The following NRXN3 variants were observed in gnomAD, a reference collection of about 807,000 sequenced individuals.
NRXN3 encodes the protein neurexin III.
NRXN3 carries 32 observed loss-of-function variants against 137.6 expected under a neutral mutation model. That is an observed-to-expected ratio of 0.23 (90% CI 0.18 to 0.31). NRXN3 has a LOEUF of 0.31. Ranked by LOEUF, NRXN3 falls within the 10% of genes least tolerant of loss-of-function variation. NRXN3 has a pLI of 1.00. For synonymous variants in NRXN3, 798 were observed against 784.5 expected (o/e 1.02, Z -0.29); for missense variants, 1,574 against 2,062.5 (o/e 0.76, Z 4.59).
chr14:79,694,108 A>G (rs2098726178), intron 18 of NRXN3, among the ~76,000 whole-genome samples: 1 of 151,890 alleles, frequency 6.6e-6, no homozygotes, highest in African/African-American at 2.4e-5. Context: ...GCCTCTTTGG[A>G]GTTATTTCTG....
chr14:79,440,755 T>A (rs75844354), intron 15 of NRXN3, among the ~76,000 whole-genome samples: 2 of 152,316 alleles, frequency 1.3e-5, no homozygotes, highest in East Asian at 3.9e-4. Context: ...AAATTTTTTT[T>A]AATTCTAGAG....
At chr14:78,752,376 A>C (rs1595514356) in intron 8 of NRXN3, among the ~76,000 whole-genome samples, 1 of 152,222 alleles carries the variant, frequency 6.6e-6, no homozygotes, top group African/African-American at 2.4e-5. Flanking sequence ...AGATGGCACC[A>C]CTGCCCACCA....
At chr14:79,526,060 T>C (rs1019762951) in intron 16 of NRXN3, among the ~76,000 whole-genome samples, 2 of 152,158 alleles carry the variant, frequency 1.3e-5, no homozygotes, top group African/African-American at 4.8e-5. Context: ...TTTTTTTCTT[T>C]TTTTGAGACG....
At chr14:79,082,062 TCATA>T (rs1174606666) in intron 15 of NRXN3, among the ~76,000 whole-genome samples, 3 of 137,222 alleles carry the variant, frequency 2.2e-5, no homozygotes, top group African/African-American at 5.2e-5. Flanking sequence ...TATATATGTT[TCATA>T]CATATATATA....
At chr14:78,779,478 A>G (rs1386347299) in intron 8 of NRXN3, among the ~76,000 whole-genome samples, 1 of 152,126 alleles carries the variant, frequency 6.6e-6, no homozygotes, top group Admixed American at 6.5e-5. Flanking sequence ...AAGTGAAAAA[A>G]CTAGCCAATG....
At chr14:79,456,529 C>G (rs1292798354) in intron 15 of NRXN3, among the ~76,000 whole-genome samples, 1 of 152,136 alleles carries the variant, frequency 6.6e-6, no homozygotes, top group African/African-American at 2.4e-5. Flanking sequence ...GAGTTTGAGA[C>G]CAGCCTGGAC....
In NRXN3 at chr14:79,647,926, G is replaced by A. The variant is rs1181480319; in HGVS notation, c.3445-15852G>A. ...TAAATAATATTGTCAAAAACATATAGGAAGTGATGAAGTTAAGCTTTAAGG... is the reference window on the plus strand; with the variant it reads ...TAAATAATATTGTCAAAAACATATAAGAAGTGATGAAGTTAAGCTTTAAGG... On this transcript the variant is annotated intron_variant, in intron 16 of 20. Coordinates refer to ENST00000335750, the MANE Select transcript of NRXN3 (RefSeq NM_001330195.2). Among the ~76,000 whole-genome samples, 2 of 135,080 alleles carry A rather than the reference G, an allele frequency of 1.5e-5. 1 individual carries two copies. The highest frequency in any genetic ancestry group is 3.4e-5 in the Non-Finnish European group (2 of 58,190). The allele number at this position is 135,080 out of a possible 152,430, so 88.6% of individuals were successfully genotyped here.
chr14:78,561,650 AT>A (rs2096787270), intron 4 of NRXN3, among the ~76,000 whole-genome samples: 3 of 152,098 alleles, frequency 2.0e-5, no homozygotes, highest in Admixed American at 2.0e-4. Flanking sequence ...AAATGATATG[AT>A]TTTCAGTCCT....
chr14:79,499,737 A>T (rs2096800963), intron 16 of NRXN3, among the ~76,000 whole-genome samples: 1 of 152,176 alleles, frequency 6.6e-6, no homozygotes, highest in Non-Finnish European at 1.5e-5. Flanking sequence ...AATTTTGATC[A>T]TCTATCTCCC....
chr14:79,461,697 T>G (rs540295732), intron 15 of NRXN3, among the ~76,000 whole-genome samples: 1 of 152,342 alleles, frequency 6.6e-6, no homozygotes, highest in Admixed American at 6.5e-5. Flanking sequence ...AAAGATAGGT[T>G]TAATTTGATA....
chr14:79,165,928 G>A (rs972168443), intron 15 of NRXN3, among the ~76,000 whole-genome samples: 1 of 151,918 alleles, frequency 6.6e-6, no homozygotes, highest in Non-Finnish European at 1.5e-5. Context: ...TTTGATTGCT[G>A]CACTCTAAGC....
chr14:79,334,072 AG>A lies in NRXN3; in HGVS notation c.3263-133147del, dbSNP rs200582386. ...GTAGTGCAATCATTCGTTCATTCAC[AG>A]GTACTTACTGAATGCCTACTATGTC... On this transcript the variant is annotated intron_variant, in intron 15 of 20. Transcript: ENST00000335750. Among the ~76,000 whole-genome samples, 1,019 of 152,312 alleles carry A rather than the reference AG, an allele frequency of 6.7e-3. 9 individuals carry two copies. The highest frequency in any genetic ancestry group is 0.024 in the African/African-American group (984 of 41,572).
At chr14:79,486,470 C>T (rs1403798422) in intron 16 of NRXN3, among the ~76,000 whole-genome samples, 1 of 152,194 alleles carries the variant, frequency 6.6e-6, no homozygotes, top group East Asian at 1.9e-4. Context: ...TGTGGATGCC[C>T]ACCCCAACTT....
chr14:79,655,684 C>G (rs1450479463), intron 16 of NRXN3, among the ~76,000 whole-genome samples: 1 of 152,070 alleles, frequency 6.6e-6, no homozygotes, highest in Admixed American at 6.6e-5. Context: ...TTAGAGCCAG[C>G]TATTTCTTTG....
chr14:78,222,528 G>C (rs537235626), intron 1 of NRXN3, among the ~76,000 whole-genome samples: 60 of 152,334 alleles, frequency 3.9e-4, no homozygotes, highest in Middle Eastern at 3.4e-3. Flanking sequence ...ATAGTTTTAG[G>C]GGGAGGTGGT....
At chr14:79,257,216 A>G (rs1438186183) in intron 15 of NRXN3, among the ~76,000 whole-genome samples, 1 of 151,966 alleles carries the variant, frequency 6.6e-6, no homozygotes, top group Non-Finnish European at 1.5e-5. Context: ...ATGTGCTGCT[A>G]AATTCTCTGC....
At chr14:78,507,772 G>A (rs1457114860) in intron 4 of NRXN3, among the ~76,000 whole-genome samples, 1 of 152,054 alleles carries the variant, frequency 6.6e-6, no homozygotes, top group East Asian at 1.9e-4. Context: ...AAATAAATAA[G>A]CATCCATTTT....
intron 10 of NRXN3, among the ~76,000 whole-genome samples, chr14:78,892,845 T>A (rs151274366): frequency 4.0e-4 from 61 of 151,098 alleles, no homozygotes; most frequent in African/African-American, 1.4e-3. Context: ...ACGGCTGCTT[T>A]TGAATTCAGC....
At chr14:78,389,112 G>A (rs1378327058) in intron 4 of NRXN3, among the ~76,000 whole-genome samples, 2 of 150,340 alleles carry the variant, frequency 1.3e-5, no homozygotes, top group African/African-American at 2.5e-5. Context: ...CTGGAGTGCA[G>A]TGACACCATC....
Sources: gnomAD v4.1 joint callset for allele counts (sites outside exome capture counted in the v4.1 genomes callset) on GRCh38, gnomAD v4.1.1 for gene constraint, MANE v1.5 for transcripts, NCBI Gene and HGNC (gene_info 2026-07-23, HGNC 2026-07-21) for gene names.